The following TGFBR1 variants were observed in gnomAD, a reference collection of about 807,000 sequenced individuals.
TGFBR1 encodes TGF-beta receptor type-1.
A neutral mutation model predicts 55.1 loss-of-function variants in TGFBR1; 20 were observed. The observed-to-expected ratio is 0.36, with a 90% confidence interval of 0.26 to 0.53. TGFBR1 has a LOEUF of 0.53. Among genes scored for constraint, TGFBR1 ranks in the 20% least tolerant of loss-of-function variants. TGFBR1 has a pLI of 0.91. For synonymous variants in TGFBR1, 220 were observed against 214.8 expected (o/e 1.02, Z -0.21); for missense variants, 385 against 617.6 (o/e 0.62, Z 3.99).
At chr9:99,110,452 C>G (rs1164726953) in intron 1 of TGFBR1, among the ~76,000 whole-genome samples, 1 of 152,122 alleles carries the variant, frequency 6.6e-6, no homozygotes, top group Non-Finnish European at 1.5e-5. Flanking sequence ...TACTTATTTG[C>G]TGCTTAATTT....
intron 1 of TGFBR1, 112 bp from the exon 2 acceptor site, chr9:99,128,743 T>C: frequency 1.4e-6 from 2 of 1,393,884 alleles, no homozygotes; most frequent in Non-Finnish European, 2.0e-6. Flanking sequence ...CAACAAACAG[T>C]GCATAGAAAT....
At chr9:99,113,382 C>T (rs1826640642) in intron 1 of TGFBR1, among the ~76,000 whole-genome samples, 1 of 152,204 alleles carries the variant, frequency 6.6e-6, no homozygotes, top group South Asian at 2.1e-4. Flanking sequence ...GAACCAAACA[C>T]TGGTGCAGTT....
rs151310060 is a variant in TGFBR1, at chr9:99,152,542, T to C, written c.*3237T>C. On this transcript the variant is annotated 3_prime_UTR_variant, in exon 9 of 9. Coordinates refer to ENST00000374994, the MANE Select transcript of TGFBR1 (RefSeq NM_004612.4). ...TTTTGTAGTACATGCATGAGTTACC[T>C]TTTTTCTCTATGTCTGAGAACTGTC... The C allele has an allele frequency of 8.7e-6, 2 of 229,746 alleles. No individual in the cohort carries two copies. Among genetic ancestry groups the C allele is most frequent in the East Asian group, 1.2e-4 (2 of 16,196 alleles). 14.2% of individuals were successfully genotyped at this position (229,746 alleles called of 1,614,324 possible).
chr9:99,146,955 A>AT (rs1283655288), intron 7 of TGFBR1, among the ~76,000 whole-genome samples: 1 of 151,802 alleles, frequency 6.6e-6, no homozygotes, highest in Non-Finnish European at 1.5e-5. Context: ...TGTCAAACTT[A>AT]TTTTTTTTCT....
chr9:99,121,369 C>T (rs914845032), intron 1 of TGFBR1, among the ~76,000 whole-genome samples: 1 of 151,944 alleles, frequency 6.6e-6, no homozygotes, highest in African/African-American at 2.4e-5. Context: ...GGGTTTTAGC[C>T]ATGTATACAG....
intron 1 of TGFBR1, among the ~76,000 whole-genome samples, chr9:99,120,304 A>G (rs990040161): frequency 1.3e-5 from 2 of 152,224 alleles, no homozygotes; most frequent in Non-Finnish European, 2.9e-5. Flanking sequence ...ATCTAATAAG[A>G]AACTGTGTAA....
At chr9:99,112,394 G>C (rs1419783305) in intron 1 of TGFBR1, among the ~76,000 whole-genome samples, 2 of 152,074 alleles carry the variant, frequency 1.3e-5, no homozygotes, top group East Asian at 3.8e-4. Context: ...GGCTTATCCT[G>C]CCACCTTTTA....
At chr9:99,147,411 GT>G (rs1421491767) in intron 7 of TGFBR1, among the ~76,000 whole-genome samples, 1 of 152,146 alleles carries the variant, frequency 6.6e-6, no homozygotes, top group Admixed American at 6.6e-5. Context: ...ATAGTTTACT[GT>G]CATTTCAAAT....
chr9:99,107,820 C>G (rs987022186), intron 1 of TGFBR1, among the ~76,000 whole-genome samples: 7 of 152,230 alleles, frequency 4.6e-5, no homozygotes, highest in South Asian at 2.1e-4. Flanking sequence ...CTCTTTCTCA[C>G]TGACTCCTGA....
In TGFBR1 at chr9:99,118,648, T is replaced by TC. The variant is rs201067652; in HGVS notation, c.98-10207_98-10206insC. ...ACTCCCTTACTGTTTTCTTTCTTTT[T>TC]TTTTTTTTTTTTTTTGAGACAGGAT... On this transcript the variant is annotated intron_variant, in intron 1 of 8. Transcript: ENST00000374994. Among the ~76,000 whole-genome samples the TC allele has an allele frequency of 4.4e-4, 64 of 146,456 alleles. 2 individuals carry two copies. The highest frequency in any genetic ancestry group is 5.5e-4 in the African/African-American group (22 of 40,108).
chr9:99,149,195 G>A lies in TGFBR1; in HGVS notation c.1402G>A (p.Ala468Thr), dbSNP rs1275304799. ...TTTCTTGTAGGCCTTGAGAGTAATG[G>A]CTAAAATTATGAGAGAATGTTGGTA... ...WQSCEALRVM[A>T]KIMRECWYAN... The change falls in exon 9 of 9, where the codon GCT becomes ACT. Residue 468 changes from alanine (A) to threonine (T), a missense_variant. Physicochemically the swap from Ala to Thr is moderately conservative, Grantham distance 58 (BLOSUM62 0). Transcript: ENST00000374994. 1 of 1,611,562 alleles carries A rather than the reference G, an allele frequency of 6.2e-7. No individual in the cohort carries two copies. Among genetic ancestry groups the A allele is most frequent in the African/African-American group, 1.3e-5 (1 of 74,898 alleles).
In TGFBR1 at chr9:99,142,628, G is replaced by T. The variant is rs1827652413; in HGVS notation, c.898G>T (p.Glu300Ter). 1 of 1,613,954 alleles carries T rather than the reference G, an allele frequency of 6.2e-7. No individual in the cohort carries two copies. Among genetic ancestry groups the T allele is most frequent in the African/African-American group, 1.3e-5 (1 of 74,934 alleles). Residue 300 changes from glutamate to a stop codon, truncating the protein, a stop_gained, in exon 5 of 9, where the codon GAA (glutamate) becomes TAA (stop). Coordinates refer to ENST00000374994, the MANE Select transcript of TGFBR1 (RefSeq NM_004612.4). LOFTEE classifies it high-confidence loss of function. ...DYLNRYTVTV[E>*]GMIKLALSTA... is the part of the protein sequence containing the mutation. ...CTTAAACAGATACACAGTTACTGTG[G>T]AAGGAATGATAAAACTTGCTCTGTC...
Position 99,118,672 on chromosome 9 carries a change from A to G in TGFBR1, c.98-10183A>G, listed in dbSNP as rs535984837. Reference sequence around the variant, plus strand: ...TTTTTTTTTTTTTTTTTGAGACAGGATCTCACTCTGTTGCCCAGGATGGAG... The same window carrying G: ...TTTTTTTTTTTTTTTTTGAGACAGGGTCTCACTCTGTTGCCCAGGATGGAG... On this transcript the variant is annotated intron_variant, in intron 1 of 8. Transcript: ENST00000374994. Among the ~76,000 whole-genome samples, 6 of 137,320 alleles carry G rather than the reference A, an allele frequency of 4.4e-5. No homozygotes were observed. The East Asian group carries it at 1.3e-3, about 29-fold the overall frequency. 90.1% of individuals were successfully genotyped at this position (137,320 alleles called of 152,430 possible).
At chr9:99,141,231 A>G (rs1827607915) in intron 4 of TGFBR1, among the ~76,000 whole-genome samples, 1 of 152,224 alleles carries the variant, frequency 6.6e-6, no homozygotes, top group Admixed American at 6.5e-5. Flanking sequence ...GCCTATATCA[A>G]GGAAAAGCAA....
chr9:99,136,152 G>A (rs1827432354), intron 3 of TGFBR1, among the ~76,000 whole-genome samples: 1 of 152,154 alleles, frequency 6.6e-6, no homozygotes, highest in East Asian at 1.9e-4. Context: ...ACTGTGCCTG[G>A]CCAATTGTTA....
At chr9:99,115,564 G>A (rs1396670357) in intron 1 of TGFBR1, among the ~76,000 whole-genome samples, 1 of 152,170 alleles carries the variant, frequency 6.6e-6, no homozygotes, top group Non-Finnish European at 1.5e-5. Flanking sequence ...TAGAAAAGCA[G>A]CAACTGCCCT....
chr9:99,105,147 TG>T lies in TGFBR1; in HGVS notation c.-55del. On this transcript the variant is annotated 5_prime_UTR_variant, in exon 1 of 9. Transcript: ENST00000374994. ...GGAGGTGGGGCGAGGCGAGGTTTGC[TG>T]GGGTGAGGCAGCGGCGCGGCCGGGC... 9.4e-7 allele frequency: 1 copy of T among 1,066,122 alleles called. No homozygotes were observed. The highest frequency in any genetic ancestry group is 1.1e-6 in the Non-Finnish European group (1 of 881,434). 66.0% of individuals were successfully genotyped at this position (1,066,122 alleles called of 1,614,324 possible).
chr9:99,128,268 TGCCCCAGTCCTG>T (rs1199710599), intron 1 of TGFBR1, among the ~76,000 whole-genome samples: 1 of 152,168 alleles, frequency 6.6e-6, no homozygotes, highest in Admixed American at 6.5e-5. Context: ...CCTAAGAGAA[TGCCCCAGTCCTG>T]GCCAGAATAT....
intron 8 of TGFBR1, 52 bp downstream of exon 8, chr9:99,147,836 T>C (rs1452511605): frequency 1.9e-6 from 3 of 1,607,360 alleles, no homozygotes; most frequent in Non-Finnish European, 2.6e-6. Context: ...TTCTGCTTAG[T>C]AAGCAAAAGT....
Sources: gnomAD v4.1 joint callset for allele counts (sites outside exome capture counted in the v4.1 genomes callset) on GRCh38, gnomAD v4.1.1 for gene constraint, MANE v1.5 for transcripts, NCBI Gene and HGNC (gene_info 2026-07-23, HGNC 2026-07-21) for gene names.